Variants in HBS1L observed in about 807,000 individuals in gnomAD.
HBS1L encodes the protein HBS1 like translational GTPase, also known as HBS1-like protein.
HBS1L carries 55 observed loss-of-function variants against 88.9 expected under a neutral mutation model. The ratio of observed to expected loss-of-function variants is 0.62; its 90% CI spans 0.50 to 0.77. The LOEUF is 0.77. Ranked by LOEUF, HBS1L falls within the 30% of genes least tolerant of loss-of-function variation. The pLI is 0.00. For synonymous variants in HBS1L, 267 were observed against 288.5 expected (o/e 0.93, Z 0.76); for missense variants, 741 against 829.3 (o/e 0.89, Z 1.31).
chr6:135,024,277 A>G (rs1776158446), intron 4 of HBS1L, among the ~76,000 whole-genome samples: 1 of 151,816 alleles, frequency 6.6e-6, no homozygotes, highest in Non-Finnish European at 1.5e-5. Flanking sequence ...TGTCTCTACT[A>G]AAAATACAAA....
chr6:134,973,022 A>C (rs1473684382), intron 15 of HBS1L, among the ~76,000 whole-genome samples: 1 of 152,256 alleles, frequency 6.6e-6, no homozygotes, highest in African/African-American at 2.4e-5. Context: ...GCCCCTGTGG[A>C]AAATGGTTTA....
chr6:135,036,887 G>GCT (rs1378111777), intron 4 of HBS1L: 2 of 1,551,480 alleles, frequency 1.3e-6, no homozygotes, highest in Admixed American at 2.0e-5. Context: ...TTCTTCCCTA[G>GCT]CTTTGAACTT....
intron 15 of HBS1L, among the ~76,000 whole-genome samples, chr6:134,971,378 A>G (rs1452198869): frequency 6.6e-6 from 1 of 152,226 alleles, no homozygotes; most frequent in Non-Finnish European, 1.5e-5. Context: ...CAACTGAGGT[A>G]AACAAGCAGG....
At chr6:134,993,512 C>T (rs376738835) in intron 8 of HBS1L, among the ~76,000 whole-genome samples, 1 of 151,920 alleles carries the variant, frequency 6.6e-6, no homozygotes, top group Admixed American at 6.6e-5. Flanking sequence ...ATTACTTTTA[C>T]GATAAAGAAA....
At chr6:135,017,260 T>A (rs1294043712) in intron 4 of HBS1L, among the ~76,000 whole-genome samples, 3 of 152,132 alleles carry the variant, frequency 2.0e-5, no homozygotes, top group Non-Finnish European at 4.4e-5. Flanking sequence ...CTAAATGACA[T>A]CAAATGCAAG....
intron 4 of HBS1L, among the ~76,000 whole-genome samples, chr6:135,023,947 C>G (rs1776146433): frequency 6.6e-6 from 1 of 151,738 alleles, no homozygotes; most frequent in South Asian, 2.1e-4. Context: ...CTATTTTTCT[C>G]AATGCTCACT....
chr6:135,038,113 G>A, intron 4 of HBS1L: 4 of 1,049,814 alleles, frequency 3.8e-6, no homozygotes, highest in South Asian at 1.9e-5. Flanking sequence ...AACATGAAAT[G>A]AGGCATTTAA....
At chr6:135,001,482 C>CT (rs1562289909) in intron 5 of HBS1L, among the ~76,000 whole-genome samples, 11 of 151,018 alleles carry the variant, frequency 7.3e-5, no homozygotes, top group African/African-American at 1.9e-4. Context: ...TTATTTCCCC[C>CT]CTCTCTCTCT....
intron 11 of HBS1L, 149 bp downstream of exon 11, chr6:134,985,917 T>C (rs543878516): frequency 8.5e-6 from 5 of 585,388 alleles, no homozygotes; most frequent in Admixed American, 6.7e-5. Context: ...AGGTTAAGTA[T>C]TGCACATGAT....
intron 2 of HBS1L, 39 bp downstream of exon 2, chr6:135,050,543 C>A: frequency 7.4e-7 from 1 of 1,356,822 alleles, no homozygotes. Context: ...CATTTTTAAA[C>A]ACCAAATCTA....
chr6:135,006,919 A>C (rs1016473521), intron 4 of HBS1L, among the ~76,000 whole-genome samples: 1 of 152,072 alleles, frequency 6.6e-6, no homozygotes, highest in Non-Finnish European at 1.5e-5. Flanking sequence ...GGAAAAAAAA[A>C]CATAGAGCAT....
At chr6:134,977,667 C>T (rs1306616836) in intron 15 of HBS1L, among the ~76,000 whole-genome samples, 1 of 151,702 alleles carries the variant, frequency 6.6e-6, no homozygotes, top group Non-Finnish European at 1.5e-5. Flanking sequence ...ATAAATGACC[C>T]AAATAAATGT....
chr6:134,964,563 C>A lies in HBS1L; in HGVS notation c.*716G>T, dbSNP rs1202106364. 7 of 152,064 alleles carry A rather than the reference C, an allele frequency of 4.6e-5. No individual in the cohort carries two copies. The highest frequency in any genetic ancestry group is 1.4e-4 in the African/African-American group (6 of 41,398). 9.4% of individuals were successfully genotyped at this position (152,064 alleles called of 1,614,324 possible). A position where few individuals can be genotyped will look rare whatever the true frequency, so the allele number is the denominator to read the frequency against. On this transcript the variant is annotated 3_prime_UTR_variant, in exon 18 of 18. Transcript: ENST00000367837. Reference sequence around the variant, plus strand: ...TAGGTGAAAAAGATCCCACAAAACCCCTAAATCATATTTACTGTTAGTGGC... The same window carrying A: ...TAGGTGAAAAAGATCCCACAAAACCACTAAATCATATTTACTGTTAGTGGC...
chr6:135,018,765 C>T (rs1487531038), intron 4 of HBS1L, among the ~76,000 whole-genome samples: 1 of 151,696 alleles, frequency 6.6e-6, no homozygotes, highest in East Asian at 1.9e-4. Context: ...ATACAACCTT[C>T]AAAAAATAAC....
intron 4 of HBS1L, among the ~76,000 whole-genome samples, chr6:135,018,526 C>T (rs749155924): frequency 3.3e-5 from 5 of 151,938 alleles, no homozygotes; most frequent in Admixed American, 6.5e-5. Flanking sequence ...GGATTATATA[C>T]GTTGAGGTAG....
intron 3 of HBS1L, among the ~76,000 whole-genome samples, chr6:135,041,354 T>C (rs942512953): frequency 1.3e-5 from 2 of 151,466 alleles, no homozygotes; most frequent in Non-Finnish European, 2.9e-5. Flanking sequence ...CAGGGCCTCC[T>C]CTTTTTTATT....
Position 134,964,229 on chromosome 6 carries a change from T to C in HBS1L, c.*1050A>G, listed in dbSNP as rs900561862. The C allele has an allele frequency of 1.1e-4, 16 of 152,174 alleles. No individual in the cohort carries two copies. The highest frequency in any genetic ancestry group is 3.9e-4 in the African/African-American group (16 of 41,442). 9.4% of individuals were successfully genotyped at this position (152,174 alleles called of 1,614,324 possible). On this transcript the variant is annotated 3_prime_UTR_variant, in exon 18 of 18. Coordinates refer to ENST00000367837, the MANE Select transcript of HBS1L (RefSeq NM_006620.4). Reference sequence around the variant, plus strand: ...CATAAACAGTCTATCAGATCAGAGTTCCAGGTTCAGCTGAGGTCAAAATCT... The same window carrying C: ...CATAAACAGTCTATCAGATCAGAGTCCCAGGTTCAGCTGAGGTCAAAATCT...
At chr6:135,047,087 A>ACT (rs1776936265) in intron 2 of HBS1L, among the ~76,000 whole-genome samples, 1 of 152,220 alleles carries the variant, frequency 6.6e-6, no homozygotes, top group Non-Finnish European at 1.5e-5. Flanking sequence ...TAACTCTCAG[A>ACT]GTCAGACTGT....
At chr6:135,023,259 A>G (rs1214930475) in intron 4 of HBS1L, among the ~76,000 whole-genome samples, 1 of 152,108 alleles carries the variant, frequency 6.6e-6, no homozygotes, top group Non-Finnish European at 1.5e-5. Context: ...CCTGGCTAAC[A>G]CGGTGAAACC....
Sources: gnomAD v4.1 joint callset for allele counts (sites outside exome capture counted in the v4.1 genomes callset) on GRCh38, gnomAD v4.1.1 for gene constraint, MANE v1.5 for transcripts, NCBI Gene and HGNC (gene_info 2026-07-23, HGNC 2026-07-21) for gene names.